Variants in PTCD3 observed in about 807,000 individuals in gnomAD.
The protein encoded by PTCD3 is pentatricopeptide repeat domain 3.
In PTCD3, 89 loss-of-function variants were observed where a neutral mutation model predicts 101.9. That is an observed-to-expected ratio of 0.87 (90% CI 0.74 to 1.04). The LOEUF is 1.04. Among genes scored for constraint, PTCD3 ranks in the 50% least tolerant of loss-of-function variants. The pLI, the probability that PTCD3 is intolerant of heterozygous loss-of-function variation, is 0.00. For synonymous variants in PTCD3, 296 were observed against 278.5 expected, an observed-to-expected ratio of 1.06 and a Z score of -0.63; for missense variants, 870 against 828.2, an observed-to-expected ratio of 1.05 and a Z score of -0.62.
rs760231243 is a variant in PTCD3, at chr2:86,124,997, C to G, written c.719C>G (p.Ala240Gly). 9.9e-6 allele frequency: 16 copies of G among 1,613,516 alleles called. No homozygotes were observed. In the Admixed American group the frequency reaches 2.5e-4, roughly 25 times the overall value. Residue 240 changes from alanine to glycine, a missense_variant and splice_region_variant, in exon 10 of 24, where the codon GCA becomes GGA. Transcript: ENST00000254630. ...AGHQFGVTWR[A>G]KNNAERIFSL... The stretch of plus-strand genomic sequence containing the variant: ...CACATTTACTCTCTTGTGTCTAGAG[C>G]AAAAAACAACGCTGAGAGAATCTTT...
intron 17 of PTCD3, 85 bp from the exon 18 acceptor site, chr2:86,133,093 T>C (rs984941319): frequency 2.9e-5 from 44 of 1,511,352 alleles, no homozygotes; most frequent in Non-Finnish European, 3.8e-5. Flanking sequence ...TTGTAACATA[T>C]AATATGCTAT....
intron 12 of PTCD3, among the ~76,000 whole-genome samples, 174 bp downstream of exon 12, chr2:86,126,054 ACCCGT>A (rs1256848179): frequency 6.6e-6 from 1 of 151,942 alleles, no homozygotes; most frequent in Non-Finnish European, 1.5e-5. Context: ...ACATGGTGAA[ACCCGT>A]CTCTACTAAA....
rs569741636 is a variant in PTCD3 at position 86,142,072 on chromosome 2, T to C, written c.*4513T>C. ...TAAGCAATCAAGGGGGGTGGGTGTG[T>C]TGGCTGGTAAAGGAACTACTAAGAT... On this transcript the variant is annotated 3_prime_UTR_variant, in exon 24 of 24. Coordinates refer to ENST00000254630, the MANE Select transcript of PTCD3 (RefSeq NM_017952.6). The C allele has an allele frequency of 6.6e-6, 1 of 152,352 alleles. No homozygotes were observed. The highest frequency in any genetic ancestry group is 2.1e-4 in the South Asian group (1 of 4,816). The allele number at this position is 152,352 out of a possible 1,614,324, so 9.4% of individuals were successfully genotyped here. A position where few individuals can be genotyped will look rare whatever the true frequency, so the allele number is the denominator to read the frequency against.
chr2:86,132,251 GTTAT>G, intron 16 of PTCD3, 63 bp from the exon 17 acceptor site: 1 of 937,830 alleles, frequency 1.1e-6, no homozygotes, highest in Non-Finnish European at 1.7e-6. Flanking sequence ...CTCTACTGTT[GTTAT>G]TTATTTGTGA....
chr2:86,136,551 T>C lies in PTCD3; in HGVS notation c.1809T>C (p.Asn603=). 6.2e-7 allele frequency: 1 copy of C among 1,612,526 alleles called. No individual in the cohort carries two copies. ...WKMLGLFRKH[N]KIPRSELLNE... ...TGTTGGGGCTTTTCAGGAAGCATAATAAGATTCCTAGGTAAGTTGAAATCA... is the reference window on the plus strand; with the variant it reads ...TGTTGGGGCTTTTCAGGAAGCATAACAAGATTCCTAGGTAAGTTGAAATCA... The change falls in exon 22 of 24, where the codon AAT becomes AAC. Residue 603 remains asparagine (N), a synonymous_variant. Coordinates refer to ENST00000254630, the MANE Select transcript of PTCD3 (RefSeq NM_017952.6).
At chr2:86,106,427 A>G (rs1673949143) in intron 1 of PTCD3, 76 bp downstream of exon 1, 4 of 1,457,956 alleles carry the variant, frequency 2.7e-6, no homozygotes, top group African/African-American at 1.4e-5. Context: ...TGGCTGTGGA[A>G]GTAGGCACGA....
chr2:86,131,055 C>A, intron 15 of PTCD3, 23 bp from the exon 16 acceptor site: 4 of 1,597,504 alleles, frequency 2.5e-6, no homozygotes, highest in Non-Finnish European at 3.4e-6. Context: ...GTAACCAAAG[C>A]TCTTGTGAAC....
In PTCD3 at chr2:86,140,670, G is replaced by A. The variant is rs554073947; in HGVS notation, c.*3111G>A. On this transcript the variant is annotated 3_prime_UTR_variant, in exon 24 of 24. Coordinates refer to ENST00000254630, the MANE Select transcript of PTCD3 (RefSeq NM_017952.6). ...AGAGTGGCATTTTACCAAAAAAATGGGTGTATTTGATTTGGGTGCTGTAAG... is the reference window on the plus strand; with the variant it reads ...AGAGTGGCATTTTACCAAAAAAATGAGTGTATTTGATTTGGGTGCTGTAAG... 2 of 152,118 alleles carry A rather than the reference G, an allele frequency of 1.3e-5. No individual in the cohort carries two copies. The highest frequency in any genetic ancestry group is 2.9e-5 in the Non-Finnish European group (2 of 68,012). 9.4% of individuals were successfully genotyped at this position (152,118 alleles called of 1,614,324 possible).
intron 7 of PTCD3, among the ~76,000 whole-genome samples, chr2:86,120,716 G>A (rs1011717209): frequency 5.3e-5 from 8 of 152,122 alleles, no homozygotes; most frequent in South Asian, 4.1e-4. Context: ...GCAACATAGC[G>A]AGACCTCATC....
At position 86,136,340 on chromosome 2, in the gene PTCD3, G is replaced by A. The variant is rs546428103; in HGVS notation, c.1779-181G>A. On this transcript the variant is annotated intron_variant, in intron 21 of 23. Coordinates refer to ENST00000254630, the MANE Select transcript of PTCD3 (RefSeq NM_017952.6). The stretch of plus-strand genomic sequence containing the variant: ...CGTTTGGGGAGTTTAAGCACCTGCG[G>A]TGATTCTCATGTACACACAGGGCTG... Among the ~76,000 whole-genome samples the A allele has an allele frequency of 6.1e-5, 9 of 148,720 alleles. No homozygotes were observed. The East Asian group carries it at 1.6e-3, about 27-fold the overall frequency.
chr2:86,129,319 C>T (rs1674454385), intron 14 of PTCD3, among the ~76,000 whole-genome samples: 1 of 152,140 alleles, frequency 6.6e-6, no homozygotes, highest in Admixed American at 6.5e-5. Flanking sequence ...GATGGGGGTT[C>T]TGGGGGAGCT....
At chr2:86,106,838 T>A (rs1451659461) in intron 1 of PTCD3, among the ~76,000 whole-genome samples, 1 of 152,256 alleles carries the variant, frequency 6.6e-6, no homozygotes, top group Non-Finnish European at 1.5e-5. Flanking sequence ...CCTTTTGATC[T>A]GTGATAGTTA....
intron 1 of PTCD3, among the ~76,000 whole-genome samples, chr2:86,106,920 T>A (rs184335230): frequency 6.6e-6 from 1 of 152,310 alleles, no homozygotes; most frequent in Non-Finnish European, 1.5e-5. Flanking sequence ...ATTGTGGGAA[T>A]ATGAGAGGCA....
At chr2:86,135,065 T>G in intron 21 of PTCD3, 78 bp downstream of exon 21, 1 of 1,468,586 alleles carries the variant, frequency 6.8e-7, no homozygotes, top group Admixed American at 2.2e-5. Context: ...CTGGTAGAGG[T>G]TCTTTCATTT....
intron 23 of PTCD3, 84 bp from the exon 24 acceptor site, chr2:86,137,385 G>A: frequency 3.2e-6 from 5 of 1,568,480 alleles, no homozygotes; most frequent in African/African-American, 1.4e-5. Flanking sequence ...AAAACTGACA[G>A]GCTATAGGTG....
At chr2:86,116,474 T>G in intron 4 of PTCD3, 56 bp from the exon 5 acceptor site, 3 of 1,409,046 alleles carry the variant, frequency 2.1e-6, no homozygotes, top group Non-Finnish European at 3.0e-6. Flanking sequence ...GAGCTAAAAG[T>G]TACAGTGAGC....
chr2:86,131,976 G>C (rs554025797), intron 16 of PTCD3, among the ~76,000 whole-genome samples: 43 of 152,332 alleles, frequency 2.8e-4, no homozygotes, highest in African/African-American at 1.0e-3. Flanking sequence ...GTATTTCATA[G>C]TAAGAACCAT....
In PTCD3 at chr2:86,137,004, A is replaced by G; in HGVS notation, c.1843A>G (p.Met615Val). Reference sequence around the variant, plus strand: ...CAGAAGTGAGTTGCTGAATGAGCTTATGGACAGTGCAAAAGTGTCTAACAG... The same window carrying G: ...CAGAAGTGAGTTGCTGAATGAGCTTGTGGACAGTGCAAAAGTGTCTAACAG... ...IPRSELLNELMDSAKVSNSPS... is the reference protein window; with the variant it reads ...IPRSELLNELVDSAKVSNSPS... The change falls in exon 23 of 24, where the codon ATG (methionine) becomes GTG (valine). Residue 615 changes from methionine to valine, a missense_variant. By Grantham distance (21) the Met-to-Val change is conservative. Transcript: ENST00000254630. 2.5e-6 allele frequency: 4 copies of G among 1,613,746 alleles called. No homozygotes were observed. Among genetic ancestry groups the G allele is most frequent in the Non-Finnish European group, 3.4e-6 (4 of 1,179,968 alleles).
intron 7 of PTCD3, among the ~76,000 whole-genome samples, chr2:86,119,867 A>G (rs1674250175): frequency 6.6e-6 from 1 of 152,190 alleles, no homozygotes; most frequent in African/African-American, 2.4e-5. Flanking sequence ...CTGGATGTAA[A>G]CTTGCGGAGC....
Sources: allele counts gnomAD v4.1 joint callset (sites outside exome capture counted in the v4.1 genomes callset), GRCh38; gene constraint gnomAD v4.1.1; transcripts MANE v1.5; gene names NCBI Gene and HGNC (gene_info 2026-07-23, HGNC 2026-07-21).